DOCK8: variants seen among roughly 807,000 people sequenced by gnomAD.
DOCK8 encodes dedicator of cytokinesis protein 8.
Under a neutral mutation model 245.6 loss-of-function variants are expected in DOCK8, and 141 were observed. That is an observed-to-expected ratio of 0.57 (90% CI 0.50 to 0.66). DOCK8 has a LOEUF of 0.66. DOCK8 is among the 30% of genes least tolerant of loss of function. The pLI, the probability that DOCK8 is intolerant of heterozygous loss-of-function variation, is 0.00. For missense variants in DOCK8, 2,965 were observed against 2,603.4 expected (o/e 1.14, Z -3.02); for synonymous variants, 1,168 against 970.2 (o/e 1.20, Z -3.79).
intron 4 of DOCK8, among the ~76,000 whole-genome samples, chr9:303,405 A>C (rs1162960324): frequency 6.6e-6 from 1 of 152,222 alleles, no homozygotes; most frequent in Non-Finnish European, 1.5e-5. Flanking sequence ...TCGACAGTGG[A>C]CTAGATAAAG....
In DOCK8 at chr9:428,435, G is replaced by C; in HGVS notation, c.4412G>C (p.Cys1471Ser). 3 of 1,614,102 alleles carry C rather than the reference G, an allele frequency of 1.9e-6. No individual in the cohort carries two copies. The highest frequency in any genetic ancestry group is 2.5e-6 in the Non-Finnish European group (3 of 1,179,960). The change falls in exon 35 of 48, where the codon TGT (cysteine) becomes TCT (serine). Residue 1471 changes from cysteine (C) to serine (S), a missense_variant. Physicochemically the swap from Cys to Ser is moderately radical, Grantham distance 112 (BLOSUM62 -1). Around this residue, in one of 3 missense-constraint regions of DOCK8, gnomAD observed 2,825 missense variants for 2,453.5 expected, o/e 1.15. Coordinates refer to ENST00000432829, the MANE Select transcript of DOCK8 (RefSeq NM_203447.4). Reference protein sequence around the residue: ...VLRVLVNSLNCDQSTTYLTHC... With the variant: ...VLRVLVNSLNSDQSTTYLTHC... ...AGGGTGCTGGTGAATTCTCTGAACT[G>C]TGATCAGAGTACCACCTACCTGACT...
chr9:280,350 T>C (rs1040711536), intron 2 of DOCK8, among the ~76,000 whole-genome samples: 1 of 152,092 alleles, frequency 6.6e-6, no homozygotes, highest in African/African-American at 2.4e-5. Flanking sequence ...AGGACCCCAG[T>C]GTAGTGTTTG....
chr9:213,505 T>A (rs2046656749), upstream of DOCK8: 1 of 152,164 alleles, frequency 6.6e-6, no homozygotes, highest in African/African-American at 2.4e-5. Flanking sequence ...AATAATATAT[T>A]TTTTATATCC....
intron 26 of DOCK8, among the ~76,000 whole-genome samples, chr9:403,964 A>ATATATATGTG (rs1564021786): frequency 4.0e-5 from 3 of 75,702 alleles, no homozygotes; most frequent in Admixed American, 1.5e-4. Flanking sequence ...ATATATGTAT[A>ATATATATGTG]TATATATATA....
At chr9:369,631 C>G (rs1586821358) in intron 15 of DOCK8, 1 of 154,696 alleles carries the variant, frequency 6.5e-6, no homozygotes, top group African/African-American at 2.4e-5. Context: ...AAGTATGTAA[C>G]TTTGGCCTGT....
chr9:400,235 TCACCACCACCTCCACCATCAC>T (rs2054792240), intron 26 of DOCK8, among the ~76,000 whole-genome samples: 1 of 16,592 alleles, frequency 6.0e-5, no homozygotes, highest in African/African-American at 3.2e-4. Flanking sequence ...ACCTCCACCA[TCACCACCACCTCCACCATCAC>T]CACCACCTCC....
chr9:275,740 C>T (rs2048321554), intron 2 of DOCK8, among the ~76,000 whole-genome samples: 1 of 152,040 alleles, frequency 6.6e-6, no homozygotes, highest in Non-Finnish European at 1.5e-5. Context: ...AGGCGTGCAC[C>T]ACCACAACTG....
upstream of DOCK8, chr9:214,465 C>T (rs1294583412): frequency 4.5e-6 from 7 of 1,566,402 alleles, no homozygotes; most frequent in Admixed American, 1.9e-5. Flanking sequence ...TTTTTTTTGG[C>T]TGCCTTCTTC....
intron 2 of DOCK8, among the ~76,000 whole-genome samples, chr9:277,451 G>A (rs1342647070): frequency 1.1e-5 from 1 of 88,556 alleles, no homozygotes; most frequent in Non-Finnish European, 2.1e-5. Flanking sequence ...GAGAGGAGAA[G>A]AGAAAGAGAG....
chr9:218,608 A>G (rs566331672), intron 1 of DOCK8, among the ~76,000 whole-genome samples: 31 of 152,280 alleles, frequency 2.0e-4, no homozygotes, highest in African/African-American at 7.5e-4. Flanking sequence ...TCTTACTGGA[A>G]TTTAGTGCCT....
At chr9:384,833 G>A (rs994240808) in intron 22 of DOCK8, among the ~76,000 whole-genome samples, 2 of 152,006 alleles carry the variant, frequency 1.3e-5, no homozygotes, top group Non-Finnish European at 2.9e-5. Flanking sequence ...GGAGAATGGC[G>A]TGAACCCGGG....
chr9:234,643 C>T (rs969126265), intron 1 of DOCK8, among the ~76,000 whole-genome samples: 3 of 152,288 alleles, frequency 2.0e-5, no homozygotes, highest in Middle Eastern at 3.4e-3. Flanking sequence ...TCATTTCATT[C>T]ATTTCATCTT....
At chr9:318,096 A>G (rs999728065) in intron 7 of DOCK8, among the ~76,000 whole-genome samples, 1 of 152,232 alleles carries the variant, frequency 6.6e-6, no homozygotes, top group African/African-American at 2.4e-5. Context: ...TATAAATTCT[A>G]GTATTTTCTT....
Position 325,039 on chromosome 9 carries a change from A to C in DOCK8, c.828-632A>C, listed in dbSNP as rs2050696188. On this transcript the variant is annotated intron_variant, in intron 7 of 47. Coordinates refer to ENST00000432829, the MANE Select transcript of DOCK8 (RefSeq NM_203447.4). ...ACTCTGTTTGCCTTTGTGTACTCAT[A>C]GCTTAGCTCCCACTAACATACAGCA... Among the ~76,000 whole-genome samples the C allele has an allele frequency of 2.6e-5, 4 of 152,092 alleles. No homozygotes were observed. In the South Asian group the frequency reaches 8.3e-4, roughly 32 times the overall value.
At position 452,092 on chromosome 9, in the gene DOCK8, T is replaced by C; in HGVS notation, c.6043T>C (p.Leu2015=). ...CTATCGACATCACAACAAGTTGAGGTTATGCTTTAAGGAATTCATCATGAG... is the reference window on the plus strand; with the variant it reads ...CTATCGACATCACAACAAGTTGAGGCTATGCTTTAAGGAATTCATCATGAG... ...KLYRHHNKLR[L]CFKEFIMRCG... is the part of the protein sequence containing the mutation. Residue 2015 remains leucine, a synonymous_variant, in exon 46 of 48, where the codon TTA becomes CTA. Transcript: ENST00000432829. The C allele has an allele frequency of 6.2e-7, 1 of 1,611,620 alleles. No homozygotes were observed. Among genetic ancestry groups the C allele is most frequent in the Non-Finnish European group, 8.5e-7 (1 of 1,178,850 alleles).
At chr9:277,092 A>G in intron 2 of DOCK8, 2 of 195,134 alleles carry the variant, frequency 1.0e-5, no homozygotes, top group Non-Finnish European at 2.3e-5. Context: ...TACAGGTATG[A>G]GTCATTACAC....
intron 11 of DOCK8, among the ~76,000 whole-genome samples, chr9:335,938 T>A (rs1416337451): frequency 6.6e-6 from 1 of 152,074 alleles, no homozygotes. Context: ...CCATGAGTTT[T>A]TGCAATATAA....
At chr9:354,826 G>A (rs1158183092) in intron 14 of DOCK8, among the ~76,000 whole-genome samples, 1 of 152,214 alleles carries the variant, frequency 6.6e-6, no homozygotes, top group Admixed American at 6.5e-5. Context: ...GGGAGGGTAA[G>A]AGACAGAAAG....
intron 1 of DOCK8, among the ~76,000 whole-genome samples, chr9:248,347 T>G (rs190571877): frequency 1.3e-5 from 2 of 152,336 alleles, no homozygotes; most frequent in Admixed American, 1.3e-4. Flanking sequence ...CATTACCAAT[T>G]TTATTTGGTC....
Sources: allele counts gnomAD v4.1 joint callset (sites outside exome capture counted in the v4.1 genomes callset), GRCh38; gene constraint gnomAD v4.1.1; regional missense constraint gnomAD v4.1.1; transcripts MANE v1.5; gene names NCBI Gene and HGNC (gene_info 2026-07-23, HGNC 2026-07-21).